The following GADL1 variants were observed in gnomAD, a reference collection of about 807,000 sequenced individuals.
The protein encoded by GADL1 is GAD like acidic amino acid decarboxylase 1.
Under a neutral mutation model 69.5 loss-of-function variants are expected in GADL1, and 71 were observed. The observed-to-expected ratio is 1.02, with a 90% CI of 0.84 to 1.25. The LOEUF is 1.25. Among genes scored for constraint, GADL1 ranks in the 50% most tolerant of loss-of-function variants. The pLI is 0.00. For synonymous variants in GADL1, 254 were observed against 214.4 expected, an observed-to-expected ratio of 1.18 and a Z score of -1.62; for missense variants, 737 against 631.8, an observed-to-expected ratio of 1.17 and a Z score of -1.79.
intron 12 of GADL1, among the ~76,000 whole-genome samples, chr3:30,789,125 G>A (rs917837475): frequency 4.6e-5 from 7 of 152,142 alleles, no homozygotes; most frequent in Admixed American, 4.6e-4. Context: ...CACGGCTATA[G>A]CCTTACAAAA....
intron 12 of GADL1, among the ~76,000 whole-genome samples, chr3:30,797,309 G>C (rs1183221627): frequency 6.6e-6 from 1 of 152,164 alleles, no homozygotes; most frequent in African/African-American, 2.4e-5. Context: ...AACACATTCA[G>C]ACAGCTTGTT....
chr3:30,739,811 A>G (rs1280198244), intron 14 of GADL1, among the ~76,000 whole-genome samples: 1 of 152,194 alleles, frequency 6.6e-6, no homozygotes, highest in Non-Finnish European at 1.5e-5. Context: ...AATGTTAAGT[A>G]TGAGGTGTTT....
chr3:30,859,414 C>T (rs149299825), intron 2 of GADL1, among the ~76,000 whole-genome samples: 2 of 151,924 alleles, frequency 1.3e-5, no homozygotes, highest in Non-Finnish European at 2.9e-5. Flanking sequence ...AACAGCAAGA[C>T]TCAAAGCCTA....
At position 30,741,261 on chromosome 3, in the gene GADL1, C is replaced by T. The variant is rs72852547; in HGVS notation, c.1393-12846G>A. ...GTTATACTTAAGCTCTCTCTGCCCACGCCAAGATTACAAAAATGTGTGTTA... is the reference window on the plus strand; with the variant it reads ...GTTATACTTAAGCTCTCTCTGCCCATGCCAAGATTACAAAAATGTGTGTTA... On this transcript the variant is annotated intron_variant, in intron 14 of 14. Coordinates refer to ENST00000282538, the MANE Select transcript of GADL1 (RefSeq NM_207359.3). 5.0e-3 allele frequency among the ~76,000 whole-genome samples: 741 copies of T among 147,952 alleles called. 7 individuals are homozygous for T. The highest frequency in any genetic ancestry group is 0.017 in the African/African-American group (672 of 39,894).
chr3:30,870,758 G>A (rs2125540765), intron 1 of GADL1, among the ~76,000 whole-genome samples: 1 of 151,572 alleles, frequency 6.6e-6, no homozygotes, highest in African/African-American at 2.4e-5. Context: ...AGGTGATAAA[G>A]CTTAAAGAAC....
chr3:30,880,377 G>A (rs1698627449), intron 1 of GADL1, among the ~76,000 whole-genome samples: 1 of 151,816 alleles, frequency 6.6e-6, no homozygotes, highest in South Asian at 2.1e-4. Context: ...GTCATGGGAG[G>A]CAACTGGTGG....
At chr3:30,733,586 CTCCTTCCTTCCT>C (rs60344210) in intron 14 of GADL1, among the ~76,000 whole-genome samples, 3,367 of 133,580 alleles carry the variant, frequency 0.025, 117 homozygotes, top group African/African-American at 0.077. Context: ...TTTTCCTTTT[CTCCTTCCTTCCT>C]TCCTTCCTTC....
chr3:30,807,789 TG>T (rs1433550539), intron 11 of GADL1, among the ~76,000 whole-genome samples: 1 of 152,148 alleles, frequency 6.6e-6, no homozygotes, highest in East Asian at 1.9e-4. Context: ...CCCAGCACTT[TG>T]GGAGGCTGAG....
At chr3:30,768,824 CTA>C (rs759943044) in intron 14 of GADL1, among the ~76,000 whole-genome samples, 8 of 152,284 alleles carry the variant, frequency 5.3e-5, no homozygotes, top group East Asian at 1.9e-4. Context: ...TGCTGTAACT[CTA>C]TAACATTTTC....
At chr3:30,839,529 G>GAAAAAAAAAAAAA (rs1491390714) in intron 8 of GADL1, among the ~76,000 whole-genome samples, 1 of 133,804 alleles carries the variant, frequency 7.5e-6, no homozygotes, top group Admixed American at 7.6e-5. Context: ...AAAAAAAAAG[G>GAAAAAAAAAAAAA]TTGGAAGACA....
chr3:30,871,681 C>T (rs6778444), intron 1 of GADL1, among the ~76,000 whole-genome samples: 84,340 of 151,460 alleles, frequency 0.56, 27,177 homozygotes, highest in African/African-American at 0.88. Flanking sequence ...TATGAGACTA[C>T]GTTGTGTTAG....
chr3:30,792,375 C>T (rs1320306789), intron 12 of GADL1, among the ~76,000 whole-genome samples: 2 of 152,224 alleles, frequency 1.3e-5, no homozygotes, highest in East Asian at 3.9e-4. Flanking sequence ...GAGTTCAAGA[C>T]CAGCCTGGGC....
chr3:30,760,522 C>G (rs1159359941), intron 14 of GADL1, among the ~76,000 whole-genome samples: 1 of 152,116 alleles, frequency 6.6e-6, no homozygotes, highest in African/African-American at 2.4e-5. Flanking sequence ...AAACCACATC[C>G]AGCAATATTT....
chr3:30,886,824 G>A (rs1412604103), intron 1 of GADL1, among the ~76,000 whole-genome samples: 1 of 152,152 alleles, frequency 6.6e-6, no homozygotes, highest in African/African-American at 2.4e-5. Context: ...GATAGACAGT[G>A]GACAAAACCA....
chr3:30,798,438 G>A (rs550994309), intron 12 of GADL1: 1 of 152,428 alleles, frequency 6.6e-6, no homozygotes, highest in East Asian at 1.9e-4. Context: ...AAAACCATCA[G>A]AGCTTGTGAG....
At chr3:30,736,200 C>T (rs1378742348) in intron 14 of GADL1, among the ~76,000 whole-genome samples, 2 of 151,992 alleles carry the variant, frequency 1.3e-5, no homozygotes, top group African/African-American at 4.8e-5. Context: ...TTATCAATAA[C>T]ACCCCTTTTC....
rs540599482 is a variant in GADL1, at chr3:30,771,679, A to G, written c.1392+6500T>C. On this transcript the variant is annotated intron_variant, in intron 14 of 14. Transcript: ENST00000282538. Reference sequence around the variant, plus strand: ...AGAACCTCATCTTTGAACATTTTTTAAAGTGCTGCACCTTTAAAGACACAG... The same window carrying G: ...AGAACCTCATCTTTGAACATTTTTTGAAGTGCTGCACCTTTAAAGACACAG... Among the ~76,000 whole-genome samples the G allele has an allele frequency of 8.5e-5, 13 of 152,356 alleles. No homozygotes were observed. The East Asian group carries it at 2.3e-3, about 27-fold the overall frequency.
rs1049622350 is a variant in GADL1, at chr3:30,804,155, A to G, written c.1051-3067T>C. On this transcript the variant is annotated intron_variant, in intron 11 of 14. Transcript: ENST00000282538. ...CTTTTGTATATTTAAAAATCTAGTC[A>G]TATATAATCTTCAGGCACAGTTGAA... 2.0e-5 allele frequency among the ~76,000 whole-genome samples: 3 copies of G among 152,330 alleles called. No individual in the cohort carries two copies. The East Asian group carries it at 5.8e-4, about 29-fold the overall frequency.
At chr3:30,813,985 C>T (rs1267746470) in intron 11 of GADL1, among the ~76,000 whole-genome samples, 1 of 152,144 alleles carries the variant, frequency 6.6e-6, no homozygotes, top group African/African-American at 2.4e-5. Context: ...CAGAAAGAGC[C>T]TGTGCATTAG....
Sources: allele counts gnomAD v4.1 joint callset (sites outside exome capture counted in the v4.1 genomes callset), GRCh38; gene constraint gnomAD v4.1.1; transcripts MANE v1.5; gene names NCBI Gene and HGNC (gene_info 2026-07-23, HGNC 2026-07-21).